NOVA1: variants seen among roughly 807,000 people sequenced by gnomAD.
NOVA1 encodes the protein NOVA alternative splicing regulator 1, also known as RNA-binding protein Nova-1.
Under a neutral mutation model 38.0 loss-of-function variants are expected in NOVA1, and 7 were observed. The observed-to-expected ratio is 0.18, with a 90% CI of 0.10 to 0.35. NOVA1 has a LOEUF of 0.35. Among genes scored for constraint, NOVA1 ranks in the 10% least tolerant of loss-of-function variants. The pLI is 1.00. For synonymous variants in NOVA1, 270 were observed against 232.5 expected (o/e 1.16, Z -1.47); for missense variants, 460 against 616.0 (o/e 0.75, Z 2.68).
At position 26,443,756 on chromosome 14, in the gene NOVA1, A is replaced by T. The variant is rs928216721; in HGVS notation, c.*4203T>A. The T allele has an allele frequency of 6.6e-6, 1 of 152,160 alleles. No homozygotes were observed. The highest frequency in any genetic ancestry group is 2.1e-4 in the South Asian group (1 of 4,816). 9.4% of individuals were successfully genotyped at this position (152,160 alleles called of 1,614,324 possible). A position where few individuals can be genotyped will look rare whatever the true frequency, so the allele number is the denominator to read the frequency against. On this transcript the variant is annotated 3_prime_UTR_variant, in exon 5 of 5. Transcript: ENST00000539517. ...AATGAGTTCATCCTGTTTTCTAATC[A>T]TGTGCAATTTTGTATGGCTGTTTGC...
At chr14:26,556,470 T>TA (rs1349389287) in intron 2 of NOVA1, among the ~76,000 whole-genome samples, 4 of 151,808 alleles carry the variant, frequency 2.6e-5, no homozygotes, top group African/African-American at 9.7e-5. Flanking sequence ...AAAAATAAAA[T>TA]AAAAAACTAA....
At chr14:26,451,312 A>T (rs565806934) in intron 4 of NOVA1, among the ~76,000 whole-genome samples, 1 of 152,094 alleles carries the variant, frequency 6.6e-6, no homozygotes, top group Non-Finnish European at 1.5e-5. Flanking sequence ...TTTTAACAAT[A>T]AAAAAACAAT....
At chr14:26,465,871 T>C (rs547801207) in intron 4 of NOVA1, among the ~76,000 whole-genome samples, 7 of 151,144 alleles carry the variant, frequency 4.6e-5, no homozygotes, top group African/African-American at 1.7e-4. Context: ...ACTCAGAGAG[T>C]AAGAAACACA....
At chr14:26,535,892 TG>T (rs1451877484) in intron 2 of NOVA1, among the ~76,000 whole-genome samples, 1 of 148,684 alleles carries the variant, frequency 6.7e-6, no homozygotes, top group Admixed American at 6.8e-5. Context: ...GGCAGGAGAA[TG>T]GTGTGAACCT....
intron 2 of NOVA1, among the ~76,000 whole-genome samples, chr14:26,492,773 C>T (rs915943157): frequency 4.7e-5 from 7 of 149,110 alleles, no homozygotes; most frequent in African/African-American, 1.7e-4. Flanking sequence ...TCAAGACCAG[C>T]CTGGCCAACA....
At chr14:26,488,481 G>GA (rs1886089442) in intron 2 of NOVA1, among the ~76,000 whole-genome samples, 1 of 152,038 alleles carries the variant, frequency 6.6e-6, no homozygotes, top group Non-Finnish European at 1.5e-5. Flanking sequence ...GAAGAACCCT[G>GA]AAAACAGATA....
chr14:26,506,049 C>T (rs1403055000), intron 2 of NOVA1, among the ~76,000 whole-genome samples: 1 of 152,040 alleles, frequency 6.6e-6, no homozygotes, highest in Non-Finnish European at 1.5e-5. Flanking sequence ...TTATCTAAAA[C>T]ACTAGTATTA....
intron 2 of NOVA1, among the ~76,000 whole-genome samples, chr14:26,564,347 A>C (rs1327489598): frequency 1.3e-5 from 2 of 152,162 alleles, no homozygotes; most frequent in South Asian, 2.1e-4. Context: ...GTATTAATTC[A>C]GTCCTCACAA....
Position 26,534,860 on chromosome 14 carries a change from A to G in NOVA1, c.281-54717T>C, listed in dbSNP as rs1889959525. Among the ~76,000 whole-genome samples the G allele has an allele frequency of 3.3e-5, 5 of 152,152 alleles. No individual in the cohort carries two copies. In the South Asian group the frequency reaches 1.0e-3, roughly 32 times the overall value. On this transcript the variant is annotated intron_variant, in intron 2 of 4. Coordinates refer to ENST00000539517, the MANE Select transcript of NOVA1 (RefSeq NM_002515.3). ...TGTGATGACAAAAGCAAAAGGATGG[A>G]GTGATTCTTAAAAGGGGCTGAGAGT...
Position 26,447,939 on chromosome 14 carries a change from C to G in NOVA1, c.*20G>C, listed in dbSNP as rs752765380. ...GGGGTAAAGGAGGGGTTAAAACAATCTGATGTGTAACTGGGGCACTCAACC... is the reference window on the plus strand; with the variant it reads ...GGGGTAAAGGAGGGGTTAAAACAATGTGATGTGTAACTGGGGCACTCAACC... On this transcript the variant is annotated 3_prime_UTR_variant, in exon 5 of 5. Transcript: ENST00000539517. 6.2e-7 allele frequency: 1 copy of G among 1,605,602 alleles called. No individual in the cohort carries two copies. Among genetic ancestry groups the G allele is most frequent in the East Asian group, 2.2e-5 (1 of 44,836 alleles).
chr14:26,595,637 C>A (rs1171462510), intron 1 of NOVA1, 84 bp from the exon 2 acceptor site: 1 of 1,205,438 alleles, frequency 8.3e-7, no homozygotes. Context: ...AGAAAAACAG[C>A]AACTAAAGCA....
rs573725959 is a variant in NOVA1 at position 26,489,413 on chromosome 14, CTGTT to C, written c.281-9274_281-9271del. Among the ~76,000 whole-genome samples, 19 of 152,028 alleles carry C rather than the reference CTGTT, an allele frequency of 1.2e-4. 1 individual carries two copies. In the East Asian group the frequency reaches 3.1e-3, roughly 25 times the overall value. ...GTAGAGGTAGGATAAAGAATTTTGA[CTGTT>C]TAACTTGGTGGGAGAAGTAATATAG... On this transcript the variant is annotated intron_variant, in intron 2 of 4. Transcript: ENST00000539517.
At chr14:26,596,725 C>G in intron 1 of NOVA1, 1 of 1,278,736 alleles carries the variant, frequency 7.8e-7, no homozygotes, top group Non-Finnish European at 1.0e-6. Flanking sequence ...ATGCACCCCC[C>G]TGAAGACAAA....
At chr14:26,528,468 T>C (rs901003093) in intron 2 of NOVA1, among the ~76,000 whole-genome samples, 27 of 151,960 alleles carry the variant, frequency 1.8e-4, no homozygotes, top group Non-Finnish European at 3.2e-4. Flanking sequence ...GAGGGTGGAT[T>C]AGAAAAAGAG....
At chr14:26,567,758 A>G (rs1892223570) in intron 2 of NOVA1, among the ~76,000 whole-genome samples, 1 of 152,232 alleles carries the variant, frequency 6.6e-6, no homozygotes, top group African/African-American at 2.4e-5. Flanking sequence ...AATCTGAAAT[A>G]GTCATCTCAA....
At chr14:26,513,696 A>AT (rs143496748) in intron 2 of NOVA1, among the ~76,000 whole-genome samples, 8,369 of 151,840 alleles carry the variant, frequency 0.055, 646 homozygotes, top group African/African-American at 0.17. Flanking sequence ...TAATAAAAAA[A>AT]CAGATAAAAA....
intron 2 of NOVA1, among the ~76,000 whole-genome samples, chr14:26,582,890 A>T (rs1376517316): frequency 6.6e-6 from 1 of 151,820 alleles, no homozygotes; most frequent in African/African-American, 2.4e-5. Context: ...AATACAGTAC[A>T]TTAAACATGC....
At chr14:26,544,305 T>C (rs766187743) in intron 2 of NOVA1, among the ~76,000 whole-genome samples, 5 of 151,920 alleles carry the variant, frequency 3.3e-5, no homozygotes, top group Non-Finnish European at 7.4e-5. Context: ...GGAACTATAG[T>C]TGGGTTATCT....
chr14:26,518,398 T>C (rs1454310716), intron 2 of NOVA1, among the ~76,000 whole-genome samples: 1 of 151,994 alleles, frequency 6.6e-6, no homozygotes, highest in Non-Finnish European at 1.5e-5. Flanking sequence ...CCAAAGATAT[T>C]AGCTTGTTTT....
Sources: gnomAD v4.1 joint callset for allele counts (sites outside exome capture counted in the v4.1 genomes callset) on GRCh38, gnomAD v4.1.1 for gene constraint, MANE v1.5 for transcripts, NCBI Gene and HGNC (gene_info 2026-07-23, HGNC 2026-07-21) for gene names.